The following CAMKMT variants were observed in gnomAD, a reference collection of about 807,000 sequenced individuals.
CAMKMT encodes calmodulin-lysine N-methyltransferase.
CAMKMT carries 53 observed loss-of-function variants against 48.0 expected under a neutral mutation model. The ratio of observed to expected loss-of-function variants is 1.10; its 90% CI spans 0.89 to 1.39. The LOEUF is 1.39. CAMKMT is among the 40% of genes most tolerant of loss of function. The probability of loss-of-function intolerance (pLI) is 0.00; values close to 1 mark genes in which losing one functional copy is unlikely to be tolerated. For missense variants in CAMKMT, 428 were observed against 402.7 expected (o/e 1.06, Z -0.54); for synonymous variants, 165 against 152.3 (o/e 1.08, Z -0.61).
intron 3 of CAMKMT, among the ~76,000 whole-genome samples, chr2:44,555,460 A>T (rs913004781): frequency 1.3e-5 from 2 of 151,932 alleles, no homozygotes; most frequent in African/African-American, 4.8e-5. Flanking sequence ...GGGAGGGAGG[A>T]TGGGTTCCAT....
At chr2:44,475,909 T>C (rs1264711835) in intron 3 of CAMKMT, among the ~76,000 whole-genome samples, 1 of 152,338 alleles carries the variant, frequency 6.6e-6, no homozygotes, top group Non-Finnish European at 1.5e-5. Flanking sequence ...CTCACCTACT[T>C]ATGTCCCTTA....
intron 3 of CAMKMT, among the ~76,000 whole-genome samples, chr2:44,619,830 G>C (rs1163671627): frequency 1.3e-5 from 2 of 152,168 alleles, no homozygotes; most frequent in African/African-American, 2.4e-5. Flanking sequence ...GGATAGCAAT[G>C]ATGATATGTA....
At chr2:44,396,461 G>A (rs183980477) in intron 3 of CAMKMT, among the ~76,000 whole-genome samples, 117 of 152,078 alleles carry the variant, frequency 7.7e-4, no homozygotes, top group African/African-American at 2.7e-3. Flanking sequence ...TTTAAGAAGA[G>A]GTATTTCACA....
chr2:44,605,489 C>T (rs1017719940), intron 3 of CAMKMT, among the ~76,000 whole-genome samples: 2 of 152,064 alleles, frequency 1.3e-5, no homozygotes, highest in Middle Eastern at 3.2e-3. Context: ...TATACACGTT[C>T]ATATACACAC....
intron 7 of CAMKMT, chr2:44,723,768 A>G (rs1678623092): frequency 6.6e-6 from 1 of 152,170 alleles, no homozygotes. Flanking sequence ...CCTGACTTAC[A>G]GTCAGCTCTC....
At chr2:44,480,647 TTTTA>T (rs1420097895) in intron 3 of CAMKMT, among the ~76,000 whole-genome samples, 1 of 152,174 alleles carries the variant, frequency 6.6e-6, no homozygotes, top group African/African-American at 2.4e-5. Context: ...ACTAGATTCT[TTTTA>T]TTTATCATTT....
intron 3 of CAMKMT, among the ~76,000 whole-genome samples, chr2:44,607,015 G>C (rs192562874): frequency 9.9e-5 from 15 of 152,230 alleles, no homozygotes; most frequent in Admixed American, 9.1e-4. Context: ...ATTGTGATTT[G>C]TCACATAACA....
rs944847194 is a variant in CAMKMT at position 44,652,632 on chromosome 2, T to C, written c.377-51651T>C. ...CCCCCTCTCCAAAGTAACAAGCGCA[T>C]GCACACACGTGCGTACAGACACACA... is the stretch of plus-strand genomic sequence containing the variant. On this transcript the variant is annotated intron_variant, in intron 3 of 10. Coordinates refer to ENST00000378494, the MANE Select transcript of CAMKMT (RefSeq NM_024766.5). 7.9e-5 allele frequency among the ~76,000 whole-genome samples: 12 copies of C among 152,336 alleles called. No individual in the cohort carries two copies. The East Asian group carries it at 9.6e-4, about 12-fold the overall frequency.
intron 9 of CAMKMT, among the ~76,000 whole-genome samples, chr2:44,757,821 C>T (rs1190085382): frequency 6.6e-6 from 1 of 152,210 alleles, no homozygotes; most frequent in Non-Finnish European, 1.5e-5. Context: ...GCCCCGACCC[C>T]TTGGCCTACC....
At position 44,372,686 on chromosome 2, in the gene CAMKMT, A is replaced by G. The variant is rs756760858; in HGVS notation, c.139-30A>G. The G allele has an allele frequency of 1.9e-6, 3 of 1,597,594 alleles. No homozygotes were observed. In the East Asian group the frequency reaches 6.7e-5, roughly 36 times the overall value. On this transcript the variant is annotated intron_variant, in intron 1 of 10. Coordinates refer to ENST00000378494, the MANE Select transcript of CAMKMT (RefSeq NM_024766.5). ...TAAACTTACTATATGTTTAGATAAC[A>G]TGACTGCAATATTTGGCTTTATTTC...
chr2:44,468,312 C>T (rs1049556269), intron 3 of CAMKMT, among the ~76,000 whole-genome samples: 2 of 152,182 alleles, frequency 1.3e-5, no homozygotes, highest in Non-Finnish European at 2.9e-5. Flanking sequence ...TCATCTCTCA[C>T]TCCAGGTACA....
chr2:44,582,805 C>A (rs1484035318), intron 3 of CAMKMT, among the ~76,000 whole-genome samples: 2 of 152,164 alleles, frequency 1.3e-5, no homozygotes, highest in Non-Finnish European at 2.9e-5. Context: ...CCAGAAAACA[C>A]AGCTGTTTGA....
chr2:44,467,218 C>T (rs1019416299), intron 3 of CAMKMT, among the ~76,000 whole-genome samples: 2 of 151,912 alleles, frequency 1.3e-5, no homozygotes, highest in Non-Finnish European at 2.9e-5. Context: ...GATCATGACA[C>T]TGTACTCAGC....
chr2:44,455,526 G>A (rs964040368), intron 3 of CAMKMT, among the ~76,000 whole-genome samples: 2 of 152,098 alleles, frequency 1.3e-5, no homozygotes, highest in Admixed American at 6.6e-5. Flanking sequence ...AATGGGATAT[G>A]GTCTAATGAA....
chr2:44,566,252 A>G (rs1445487902), intron 3 of CAMKMT, among the ~76,000 whole-genome samples: 1 of 152,188 alleles, frequency 6.6e-6, no homozygotes, highest in African/African-American at 2.4e-5. Flanking sequence ...TCCTCCTAGC[A>G]TGATGAAGCA....
intron 3 of CAMKMT, among the ~76,000 whole-genome samples, chr2:44,685,114 G>A (rs1399893805): frequency 2.0e-5 from 3 of 151,848 alleles, no homozygotes; most frequent in East Asian, 3.9e-4. Flanking sequence ...AGCAGTTTAT[G>A]TTCAAAGACA....
chr2:44,649,636 A>G (rs747696625), intron 3 of CAMKMT, among the ~76,000 whole-genome samples: 2 of 152,166 alleles, frequency 1.3e-5, no homozygotes, highest in Non-Finnish European at 2.9e-5. Context: ...GACTGTTCAT[A>G]AAGCTGAAAT....
chr2:44,403,293 C>T (rs1286045820), intron 3 of CAMKMT, among the ~76,000 whole-genome samples: 1 of 152,140 alleles, frequency 6.6e-6, no homozygotes, highest in African/African-American at 2.4e-5. Flanking sequence ...AGTTACTCCA[C>T]CCCCAATTAA....
chr2:44,422,027 T>A (rs961933927), intron 3 of CAMKMT, among the ~76,000 whole-genome samples: 5 of 152,192 alleles, frequency 3.3e-5, no homozygotes, highest in Non-Finnish European at 7.4e-5. Flanking sequence ...TGATACAGTT[T>A]GGATATATGT....
Sources: allele counts gnomAD v4.1 joint callset (sites outside exome capture counted in the v4.1 genomes callset), GRCh38; gene constraint gnomAD v4.1.1; transcripts MANE v1.5; gene names NCBI Gene and HGNC (gene_info 2026-07-23, HGNC 2026-07-21).